Variants in PRR16 observed in about 807,000 individuals in gnomAD.
The protein encoded by PRR16 is protein Largen.
PRR16 carries 6 observed loss-of-function variants against 18.2 expected under a neutral mutation model. That is an observed-to-expected ratio of 0.33 (90% confidence interval 0.18 to 0.65). The LOEUF (loss-of-function observed/expected upper bound fraction) is 0.65, where lower values mean the gene tolerates loss of function less well. PRR16 is among the 30% of genes least tolerant of loss of function. The pLI is 0.74. For missense variants in PRR16, 412 were observed against 376.6 expected, an observed-to-expected ratio of 1.09 and a Z score of -0.78; for synonymous variants, 151 against 147.8, an observed-to-expected ratio of 1.02 and a Z score of -0.16.
chr5:120,578,514 T>C (rs1753156319), intron 1 of PRR16, among the ~76,000 whole-genome samples: 1 of 152,226 alleles, frequency 6.6e-6, no homozygotes. Flanking sequence ...TTTCTGTCCC[T>C]GTGTTAGTTT....
the PRR16 span, among the ~76,000 whole-genome samples, chr5:120,762,292 A>C: frequency 6.6e-6 from 1 of 152,154 alleles, no homozygotes; most frequent in African/African-American, 2.4e-5. Flanking sequence ...AAATCTCCAT[A>C]CTGTTTTTCA....
intron 1 of PRR16, among the ~76,000 whole-genome samples, chr5:120,621,746 G>A (rs1435055162): frequency 6.6e-6 from 1 of 152,020 alleles, no homozygotes; most frequent in East Asian, 1.9e-4. Context: ...CTGCCACCTT[G>A]TAAAGAAGGT....
chr5:120,464,519 G>A lies in PRR16; in HGVS notation c.33G>A (p.Ser11=), dbSNP rs767319875. The A allele has an allele frequency of 1.9e-6, 3 of 1,591,510 alleles. No homozygotes were observed. The African/African-American group carries it at 4.0e-5, about 21-fold the overall frequency. The change falls in exon 1 of 2, where the codon TCG becomes TCA. Residue 11 remains serine, a synonymous_variant. Coordinates refer to ENST00000407149, the MANE Select transcript of PRR16 (RefSeq NM_001300783.2). ...CCAAGTCCAAGGGGAACCCCTCCTC[G>A]TCCTGTCCAGCCGAGGGACCGCCGG... MSAKSKGNPS[S]SCPAEGPPAA... is the part of the protein sequence containing the mutation.
chr5:120,757,385 G>A, the PRR16 span, among the ~76,000 whole-genome samples: 3 of 151,962 alleles, frequency 2.0e-5, no homozygotes, highest in Non-Finnish European at 2.9e-5. Context: ...TAATCGCGTT[G>A]ACTCTGTAGA....
chr5:120,782,436 G>A, the PRR16 span, among the ~76,000 whole-genome samples: 4 of 152,142 alleles, frequency 2.6e-5, no homozygotes, highest in South Asian at 2.1e-4. Flanking sequence ...TGTTTTAAAA[G>A]TGAAGCCTGA....
At chr5:120,485,251 A>T (rs184436332) in intron 1 of PRR16, among the ~76,000 whole-genome samples, 33 of 152,308 alleles carry the variant, frequency 2.2e-4, no homozygotes, top group African/African-American at 7.9e-4. Flanking sequence ...GTTTTATATA[A>T]TAATTGAGCT....
chr5:120,545,182 G>A (rs142955237), intron 1 of PRR16, among the ~76,000 whole-genome samples: 19 of 151,746 alleles, frequency 1.3e-4, no homozygotes, highest in African/African-American at 2.7e-4. Flanking sequence ...CATTTTTTTC[G>A]TGCTTATTCA....
intron 1 of PRR16, among the ~76,000 whole-genome samples, chr5:120,654,631 A>G (rs1755904751): frequency 6.6e-6 from 1 of 151,982 alleles, no homozygotes; most frequent in African/African-American, 2.4e-5. Flanking sequence ...TACACAACAG[A>G]GAGAAAAGGT....
At chr5:120,549,919 TCA>T (rs1369712107) in intron 1 of PRR16, among the ~76,000 whole-genome samples, 1 of 152,008 alleles carries the variant, frequency 6.6e-6, no homozygotes, top group East Asian at 1.9e-4. Context: ...TTATAATTCC[TCA>T]CAGAAATGTA....
chr5:120,653,495 T>C (rs2150133264), intron 1 of PRR16, among the ~76,000 whole-genome samples: 1 of 152,100 alleles, frequency 6.6e-6, no homozygotes, highest in South Asian at 2.1e-4. Flanking sequence ...TTACCATGTC[T>C]GTTTTTAAAA....
At chr5:120,788,651 A>C in the PRR16 span, among the ~76,000 whole-genome samples, 1 of 152,138 alleles carries the variant, frequency 6.6e-6, no homozygotes, top group Non-Finnish European at 1.5e-5. Flanking sequence ...AGTTCCAAAC[A>C]GGCTTTTCCA....
At chr5:120,754,033 T>C in the PRR16 span, among the ~76,000 whole-genome samples, 1 of 129,976 alleles carries the variant, frequency 7.7e-6, no homozygotes, top group Admixed American at 9.2e-5. Context: ...AGTAAAGATT[T>C]ATCAGTATCG....
the PRR16 span, among the ~76,000 whole-genome samples, chr5:120,768,626 T>C: frequency 6.6e-6 from 1 of 151,148 alleles, no homozygotes; most frequent in South Asian, 2.1e-4. Flanking sequence ...AAGAAGGAAA[T>C]TACAAAGAGA....
chr5:120,647,497 A>C (rs1156469848), intron 1 of PRR16, among the ~76,000 whole-genome samples: 1 of 152,098 alleles, frequency 6.6e-6, no homozygotes, highest in Non-Finnish European at 1.5e-5. Context: ...ACATATAACA[A>C]AAAGTAAGGT....
chr5:120,742,913 A>C, the PRR16 span, among the ~76,000 whole-genome samples: 1,378 of 152,272 alleles, frequency 9.0e-3, 15 homozygotes, highest in Non-Finnish European at 0.016. Flanking sequence ...TCCAGCCATC[A>C]GTGCACCACT....
chr5:120,497,488 C>T (rs1423829002), intron 1 of PRR16, among the ~76,000 whole-genome samples: 3 of 143,710 alleles, frequency 2.1e-5, no homozygotes, highest in East Asian at 4.1e-4. Flanking sequence ...TCTCCTGGTT[C>T]ACACGATTCT....
At chr5:120,579,070 T>C (rs576736825) in intron 1 of PRR16, among the ~76,000 whole-genome samples, 21 of 152,326 alleles carry the variant, frequency 1.4e-4, no homozygotes, top group Middle Eastern at 3.4e-3. Flanking sequence ...TATCTTTTCA[T>C]ATCCTTTGCC....
At chr5:120,748,414 A>G in the PRR16 span, among the ~76,000 whole-genome samples, 2 of 152,078 alleles carry the variant, frequency 1.3e-5, no homozygotes, top group Non-Finnish European at 2.9e-5. Context: ...TTCTTTCATA[A>G]ATTCATTCAT....
intron 1 of PRR16, among the ~76,000 whole-genome samples, chr5:120,668,905 A>T (rs1387981991): frequency 6.6e-6 from 1 of 152,088 alleles, no homozygotes; most frequent in Non-Finnish European, 1.5e-5. Flanking sequence ...CTTCATTTCA[A>T]CTGATGGGAA....
Sources: allele counts gnomAD v4.1 joint callset (sites outside exome capture counted in the v4.1 genomes callset), GRCh38; gene constraint gnomAD v4.1.1; transcripts MANE v1.5; gene names NCBI Gene and HGNC (gene_info 2026-07-23, HGNC 2026-07-21).